Variants in HCFC1 observed in about 807,000 individuals in gnomAD.
HCFC1 encodes the protein host cell factor 1.
Under a neutral mutation model 105.5 loss-of-function variants are expected in HCFC1, and 7 were observed. The ratio of observed to expected loss-of-function variants is 0.07; its 90% CI spans 0.04 to 0.12. The LOEUF is 0.12. HCFC1 is among the 10% of genes least tolerant of loss of function. The probability of loss-of-function intolerance (pLI) is 1.00; values close to 1 mark genes in which losing one functional copy is unlikely to be tolerated. For missense variants in HCFC1, 1,065 were observed against 1,823.6 expected (o/e 0.58, Z 7.58); for synonymous variants, 918 against 828.1 (o/e 1.11, Z -1.86).
intron 19 of HCFC1, 66 bp downstream of exon 19, chrX:153,952,448 G>A (rs2065322593): frequency 1.9e-6 from 2 of 1,052,583 alleles, no homozygotes; most frequent in Non-Finnish European, 1.3e-6. Flanking sequence ...CCTCTTCCCA[G>A]GCTGTCTCCG....
rs1557116473 is a variant in HCFC1 at position 153,960,327 on chromosome X, T to G, written c.992A>C (p.Asn331Thr). 2.5e-6 allele frequency: 3 copies of G among 1,201,160 alleles called. No individual in the cohort carries two copies. Among genetic ancestry groups the G allele is most frequent in the Non-Finnish European group, 3.4e-6 (3 of 889,183 alleles). Residue 331 changes from asparagine (N) to threonine (T), a missense_variant, in exon 7 of 26, where the codon AAC becomes ACC. Asn to Thr is a moderately conservative substitution (Grantham distance 65). This residue lies in a region of HCFC1 where 18 missense variants were observed against 40.1 expected (regional missense o/e 0.45). Transcript: ENST00000310441. Reference sequence around the variant, plus strand: ...CCCACTCCAAATGTACAGGCGGGTGTTGATGGCGACTGCGCAGTGGCCAGC... The same window carrying G: ...CCCACTCCAAATGTACAGGCGGGTGGTGATGGCGACTGCGCAGTGGCCAGC... ...ARAGHCAVAI[N>T]TRLYIWSGRD...
In HCFC1 at chrX:153,970,574, G is replaced by A. The variant is rs1331938974; in HGVS notation, c.193+74C>T. On this transcript the variant is annotated intron_variant, in intron 1 of 25. Coordinates refer to ENST00000310441, the MANE Select transcript of HCFC1 (RefSeq NM_005334.3). ...GAGAGGGAGGGAGCAGATGGAGGGA[G>A]GGAGGAAAGAGGAGGGAGAGGGAGG... The A allele has an allele frequency of 1.7e-5, 12 of 715,678 alleles. No homozygotes were observed. The East Asian group carries it at 2.2e-4, about 13-fold the overall frequency. The allele number at this position is 715,678 out of a possible 1,213,427, so 59.0% of individuals were successfully genotyped here.
At chrX:153,950,649 T>A in intron 23 of HCFC1, 106 bp from the exon 24 acceptor site, 2 of 890,469 alleles carry the variant, frequency 2.2e-6, no homozygotes, top group South Asian at 4.8e-5. Flanking sequence ...AGATATTCCA[T>A]GTGGTAGTTC....
chrX:153,967,096 C>A (rs1431379933), intron 1 of HCFC1, among the ~76,000 whole-genome samples: 2 of 112,214 alleles, frequency 1.8e-5, no homozygotes, highest in African/African-American at 6.5e-5. Flanking sequence ...GACAAACCTG[C>A]GGCTCCTCAT....
intron 1 of HCFC1, among the ~76,000 whole-genome samples, chrX:153,967,714 G>A (rs1184855734): frequency 8.9e-6 from 1 of 111,847 alleles, no homozygotes; most frequent in Admixed American, 9.5e-5. Flanking sequence ...GGAGTGGAAA[G>A]GGCTTCTCAG....
intron 6 of HCFC1, among the ~76,000 whole-genome samples, chrX:153,960,676 A>G (rs1363837854): frequency 2.7e-5 from 3 of 112,881 alleles, no homozygotes; most frequent in Non-Finnish European, 5.6e-5. Context: ...AAAGAACACT[A>G]CAACTCACAG....
Position 153,960,156 on chromosome X carries a change from G to A in HCFC1, c.1090C>T (p.Pro364Ser). The change falls in exon 8 of 26, where the codon CCA (proline) becomes TCA (serine). Residue 364 changes from proline to serine, a missense_variant. Pro to Ser is a moderately conservative substitution (Grantham distance 74). Transcript: ENST00000310441. ...KDLWYLETEK[P>S]PPPARVQLVR... ...AGTTGTACTCGGGCTGGGGGTGGTG[G>A]CTTTTCTGTGGGAGAACGCAGTTGG... is the stretch of plus-strand genomic sequence containing the variant. 8.3e-7 allele frequency: 1 copy of A among 1,207,718 alleles called. No individual in the cohort carries two copies. The highest frequency in any genetic ancestry group is 1.1e-6 in the Non-Finnish European group (1 of 892,671).
At chrX:153,964,530 G>T in intron 2 of HCFC1, 48 bp downstream of exon 2, 1 of 1,153,446 alleles carries the variant, frequency 8.7e-7, no homozygotes, top group Non-Finnish European at 1.2e-6. Context: ...ACTACCGTCA[G>T]GTCACATGGG....
At chrX:153,966,297 C>T (rs12011769) in intron 1 of HCFC1, among the ~76,000 whole-genome samples, 11,364 of 112,416 alleles carry the variant, frequency 0.1, 1,320 homozygotes, top group African/African-American at 0.34. Flanking sequence ...AGCACCCCCA[C>T]CCCGCTCTCC....
intron 19 of HCFC1, among the ~76,000 whole-genome samples, 166 bp downstream of exon 19, chrX:153,952,348 G>A (rs1433028602): frequency 8.8e-6 from 1 of 113,745 alleles, no homozygotes; most frequent in Non-Finnish European, 1.9e-5. Flanking sequence ...TGTTCTACAC[G>A]GCAGTCTCTA....
In HCFC1 at chrX:153,954,055, C is replaced by T; in HGVS notation, c.4333+11G>A. 1.7e-6 allele frequency: 2 copies of T among 1,184,177 alleles called. No homozygotes were observed. The highest frequency in any genetic ancestry group is 2.3e-6 in the Non-Finnish European group (2 of 878,542). Reference sequence around the variant, plus strand: ...GAGACCATGAAAGCCAGGCTGGCCACCTTCACTTACCTTGGTTTGAACTCA... The same window carrying T: ...GAGACCATGAAAGCCAGGCTGGCCATCTTCACTTACCTTGGTTTGAACTCA... On this transcript the variant is annotated intron_variant, in intron 17 of 25. Coordinates refer to ENST00000310441, the MANE Select transcript of HCFC1 (RefSeq NM_005334.3).
chrX:153,949,520 T>C, intron 25 of HCFC1, 33 bp downstream of exon 25: 1 of 1,197,453 alleles, frequency 8.4e-7, no homozygotes, highest in Non-Finnish European at 1.1e-6. Flanking sequence ...ACCCCTAGTC[T>C]CAGAAGGTTC....
rs1165841450 is a variant in HCFC1 at position 153,950,735 on chromosome X, C to CG, written c.5703+77_5703+78insC. The CG allele has an allele frequency of 3.4e-6, 3 of 877,334 alleles. No individual in the cohort carries two copies. In the African/African-American group the frequency reaches 6.2e-5, roughly 18 times the overall value. 72.3% of individuals were successfully genotyped at this position (877,334 alleles called of 1,213,427 possible). On this transcript the variant is annotated intron_variant, in intron 23 of 25. Transcript: ENST00000310441. ...GGACTCAAAACCTAGCTCTCCTATG[C>CG]CCCCCCCCGGCCACCTCATGTGCTG...
rs1219082215 is a variant in HCFC1 at position 153,951,875 on chromosome X, G to A, written c.5226C>T (p.Ser1742=). 8.2e-5 allele frequency: 98 copies of A among 1,195,282 alleles called. No individual in the cohort carries two copies. Among genetic ancestry groups the A allele is most frequent in the Non-Finnish European group, 1.1e-4 (95 of 886,074 alleles). Reference sequence around the variant, plus strand: ...CCGTTGAGGGCAGCAGCGCCACAGTGCTGGGGACCGTGCCGGCCAGCTCAT... The same window carrying A: ...CCGTTGAGGGCAGCAGCGCCACAGTACTGGGGACCGTGCCGGCCAGCTCAT... The part of the protein sequence containing the change: ...CLNELAGTVP[S]TVALLPSTAT... Residue 1742 remains serine (S), a synonymous_variant, in exon 20 of 26, where the codon AGC becomes AGT. Transcript: ENST00000310441.
chrX:153,955,625 C>T, intron 16 of HCFC1, 83 bp from the exon 17 acceptor site: 3 of 975,456 alleles, frequency 3.1e-6, no homozygotes, highest in Non-Finnish European at 2.8e-6. Context: ...TGTCACCACA[C>T]AGGCTGGGAC....
chrX:153,959,933 T>C lies in HCFC1; in HGVS notation c.1313A>G (p.Gln438Arg). The C allele has an allele frequency of 8.3e-7, 1 of 1,210,088 alleles. No individual in the cohort carries two copies. The highest frequency in any genetic ancestry group is 1.1e-6 in the Non-Finnish European group (1 of 894,522). Residue 438 changes from glutamine (Q) to arginine (R), a missense_variant, in exon 8 of 26, where the codon CAG becomes CGG. Around this residue, in one of 17 missense-constraint regions of HCFC1, gnomAD observed 101 missense variants for 155.1 expected, o/e 0.65. Coordinates refer to ENST00000310441, the MANE Select transcript of HCFC1 (RefSeq NM_005334.3). Reference sequence around the variant, plus strand: ...CGTGATGCCTACTTGGGTCAGCGGCTGCACAGCAGGTGCGGCTGCTGCTGG... The same window carrying C: ...CGTGATGCCTACTTGGGTCAGCGGCCGCACAGCAGGTGCGGCTGCTGCTGG... ...PAPAAAAPAV[Q>R]PLTQVGITLL... is the part of the protein sequence containing the mutation.
rs1469046134 is a variant in HCFC1, at chrX:153,948,353, C to G, written c.*994G>C. 1 of 112,277 alleles carries G rather than the reference C, an allele frequency of 8.9e-6. No homozygotes were observed. The highest frequency in any genetic ancestry group is 1.9e-5 in the Non-Finnish European group (1 of 53,193). 9.3% of individuals were successfully genotyped at this position (112,277 alleles called of 1,213,427 possible). On this transcript the variant is annotated 3_prime_UTR_variant, in exon 26 of 26. Transcript: ENST00000310441. ...CAAAAGGGCAGAGGGCAGGGGCCAG[C>G]AACAGGAAGTTGGGCTGGGTGGCAA... is the stretch of plus-strand genomic sequence containing the variant.
rs781913116 is a variant in HCFC1 at position 153,964,567 on chromosome X, G to A, written c.342+11C>T. 1.2e-5 allele frequency: 14 copies of A among 1,185,739 alleles called. No individual in the cohort carries two copies. In the East Asian group the frequency reaches 3.6e-4, roughly 31 times the overall value. ...CCAAGGAGGCAGAGTGAGAACCTGG[G>A]GCTGCTTTACCTGGAGTTCGTAGAG... On this transcript the variant is annotated intron_variant, in intron 2 of 25. Coordinates refer to ENST00000310441, the MANE Select transcript of HCFC1 (RefSeq NM_005334.3).
rs371233332 is a variant in HCFC1, at chrX:153,958,656, C to T, written c.1716G>A (p.Ala572=). 8.3e-5 allele frequency: 100 copies of T among 1,205,295 alleles called. No individual in the cohort carries two copies. Among genetic ancestry groups the T allele is most frequent in the Non-Finnish European group, 1.1e-4 (98 of 891,881 alleles). Residue 572 remains alanine (A), a synonymous_variant, in exon 10 of 26, where the codon GCG becomes GCA. Transcript: ENST00000310441. ...CCATGGTCTTCACGATGGTGGTACC[C>T]GCTGGGACACTCAGCACCGTGGGTG... is the stretch of plus-strand genomic sequence containing the variant. ...SSAPTVLSVP[A]GTTIVKTMAV...
Sources: gnomAD v4.1 joint callset for allele counts (sites outside exome capture counted in the v4.1 genomes callset) on GRCh38, gnomAD v4.1.1 for gene constraint, gnomAD v4.1.1 regional missense constraint, MANE v1.5 for transcripts, NCBI Gene and HGNC (gene_info 2026-07-23, HGNC 2026-07-21) for gene names.